TOP1: variants seen among roughly 807,000 people sequenced by gnomAD.
TOP1 encodes DNA topoisomerase I.
Under a neutral mutation model 111.1 loss-of-function variants are expected in TOP1, and 10 were observed. The ratio of observed to expected loss-of-function variants is 0.09; its 90% CI spans 0.06 to 0.15. TOP1 has a LOEUF of 0.15. Among genes scored for constraint, TOP1 ranks in the 10% least tolerant of loss-of-function variants. The pLI, the probability that TOP1 is intolerant of heterozygous loss-of-function variation, is 1.00. For missense variants in TOP1, 474 were observed against 926.7 expected (o/e 0.51, Z 6.34); for synonymous variants, 271 against 302.9 (o/e 0.89, Z 1.10).
In TOP1 at chr20:41,110,390, A is replaced by T. The variant is rs1242435581; in HGVS notation, c.1309-2392A>T. On this transcript the variant is annotated intron_variant, in intron 13 of 20. Transcript: ENST00000361337. This position sits in a 1 kb window ranked among gnomAD's most constrained non-coding sequence, Gnocchi z 4.2. ...ATTTATCCATGATGATAGTAATCAGATTGAAGGATCAGTGGTTGCTTGGTG... is the reference window on the plus strand; with the variant it reads ...ATTTATCCATGATGATAGTAATCAGTTTGAAGGATCAGTGGTTGCTTGGTG... Among the ~76,000 whole-genome samples the T allele has an allele frequency of 6.6e-6, 1 of 152,220 alleles. No individual in the cohort carries two copies. Among genetic ancestry groups the T allele is most frequent in the African/African-American group, 2.4e-5 (1 of 41,460 alleles).
In TOP1 at chr20:41,029,628, AC is replaced by A; in HGVS notation, c.58+177del. ...CCGCCTCTTGACCCCCTTTCCGGGG[AC>A]CCCAGCTCCTCCAGATCCCGGCCCT... On this transcript the variant is annotated intron_variant, in intron 2 of 20. Coordinates refer to ENST00000361337, the MANE Select transcript of TOP1 (RefSeq NM_003286.4). The surrounding 1 kb of genome is among the most constrained non-coding windows in gnomAD (Gnocchi z 6.1). 1.5e-6 allele frequency: 1 copy of A among 675,784 alleles called. No homozygotes were observed. The highest frequency in any genetic ancestry group is 1.6e-5 in the South Asian group (1 of 63,610). 41.9% of individuals were successfully genotyped at this position (675,784 alleles called of 1,614,324 possible).
chr20:41,043,741 C>T (rs1322754196), intron 2 of TOP1, among the ~76,000 whole-genome samples: 2 of 152,208 alleles, frequency 1.3e-5, no homozygotes, highest in South Asian at 2.1e-4. Flanking sequence ...TGGATCCGCA[C>T]GTAGGCCAGA....
At position 41,032,820 on chromosome 20, in the gene TOP1, T is replaced by C. The variant is rs1027461431; in HGVS notation, c.58+3365T>C. 6.6e-6 allele frequency among the ~76,000 whole-genome samples: 1 copy of C among 152,224 alleles called. No individual in the cohort carries two copies. Among genetic ancestry groups the C allele is most frequent in the African/African-American group, 2.4e-5 (1 of 41,448 alleles). ...GTATGGGTTGGGATGGGCGGTAGCA[T>C]AGCTGATTGCGGTGGGGGAATTTCA... On this transcript the variant is annotated intron_variant, in intron 2 of 20. Transcript: ENST00000361337. This position sits in a 1 kb window ranked among gnomAD's most constrained non-coding sequence, Gnocchi z 4.3.
Position 41,077,571 on chromosome 20 carries a change from T to G in TOP1, c.280-11T>G, listed in dbSNP as rs1221046723. 1 of 1,613,632 alleles carries G rather than the reference T, an allele frequency of 6.2e-7. No homozygotes were observed. The highest frequency in any genetic ancestry group is 1.1e-5 in the South Asian group (1 of 91,076). ...TTTCAAGGTACTAGTTACTGTTGTT[T>G]TACTTTTCAGGTTCGAGCCTCTGGG... On this transcript the variant is annotated splice_polypyrimidine_tract_variant and intron_variant, in intron 4 of 20. Transcript: ENST00000361337.
At chr20:41,075,323 C>T (rs2033714030) in intron 3 of TOP1, among the ~76,000 whole-genome samples, 1 of 152,164 alleles carries the variant, frequency 6.6e-6, no homozygotes, top group African/African-American at 2.4e-5. Context: ...AGGCGCCTGC[C>T]ACCACGCCCG....
chr20:41,113,715 C>CAAAAAAAAAAAA (rs987087793), intron 14 of TOP1, among the ~76,000 whole-genome samples: 1 of 103,648 alleles, frequency 9.6e-6, no homozygotes, highest in Non-Finnish European at 2.2e-5. Flanking sequence ...ACTAAAAATA[C>CAAAAAAAAAAAA]AAAAAAAAAA....
intron 5 of TOP1, 52 bp downstream of exon 5, chr20:41,077,689 C>T (rs1161112401): frequency 1.3e-6 from 2 of 1,540,478 alleles, no homozygotes; most frequent in Admixed American, 3.3e-5. Context: ...GACAGCAGGC[C>T]AGCTGCCTGT....
chr20:41,107,199 C>T (rs949712785), intron 13 of TOP1, among the ~76,000 whole-genome samples: 1 of 152,042 alleles, frequency 6.6e-6, no homozygotes, highest in Non-Finnish European at 1.5e-5. Context: ...TATGCTGTAT[C>T]CAGGGATATA....
Position 41,080,334 on chromosome 20 carries a change from A to G in TOP1, c.431+154A>G, listed in dbSNP as rs543964220. ...ATTAATGGACTGATTTCTCTGAACT[A>G]TGAGAAGTAGAGTTTGCTAAACAAG... On this transcript the variant is annotated intron_variant, in intron 6 of 20. Coordinates refer to ENST00000361337, the MANE Select transcript of TOP1 (RefSeq NM_003286.4). This position sits in a 1 kb window ranked among gnomAD's most constrained non-coding sequence, Gnocchi z 5.0. Among the ~76,000 whole-genome samples the G allele has an allele frequency of 6.6e-6, 1 of 152,332 alleles. No homozygotes were observed. Among genetic ancestry groups the G allele is most frequent in the South Asian group, 2.1e-4 (1 of 4,826 alleles).
chr20:41,113,896 A>T, intron 14 of TOP1, 74 bp from the exon 15 acceptor site: 1 of 1,267,050 alleles, frequency 7.9e-7, no homozygotes, highest in Non-Finnish European at 1.1e-6. Context: ...AAAAAAAAAA[A>T]AAACACAGAA....
chr20:41,048,764 G>A (rs1051083325), intron 2 of TOP1, among the ~76,000 whole-genome samples: 10 of 152,098 alleles, frequency 6.6e-5, no homozygotes, highest in South Asian at 2.1e-4. Flanking sequence ...ACAGTTTGTC[G>A]GTCCTATCAC....
Position 41,097,124 on chromosome 20 carries a change from G to T in TOP1, c.731-96G>T. On this transcript the variant is annotated intron_variant, in intron 9 of 20. Coordinates refer to ENST00000361337, the MANE Select transcript of TOP1 (RefSeq NM_003286.4). The surrounding 1 kb of genome is among the most constrained non-coding windows in gnomAD (Gnocchi z 4.2). ...ACCAGACCTTTATATACCATGAGAA[G>T]GCAAACCATTATTAAAGAGAATTCG... 7.2e-7 allele frequency: 1 copy of T among 1,394,010 alleles called. No homozygotes were observed. The highest frequency in any genetic ancestry group is 1.4e-5 in the South Asian group (1 of 73,992). The allele number at this position is 1,394,010 out of a possible 1,614,324, so 86.4% of individuals were successfully genotyped here.
intron 11 of TOP1, 81 bp from the exon 12 acceptor site, chr20:41,099,975 T>TA: frequency 2.1e-6 from 2 of 937,172 alleles, no homozygotes; most frequent in Non-Finnish European, 1.6e-6. Context: ...TACCTTGACT[T>TA]AGTCTCCCAC....
intron 8 of TOP1, among the ~76,000 whole-genome samples, chr20:41,091,917 G>A (rs1204790040): frequency 1.3e-5 from 2 of 152,058 alleles, no homozygotes; most frequent in Non-Finnish European, 2.9e-5. Context: ...TCAAAAAGTT[G>A]TTCCCACTGA....
Position 41,078,300 on chromosome 20 carries a change from C to G in TOP1, c.335+663C>G, listed in dbSNP as rs757754379. Among the ~76,000 whole-genome samples, 1 of 152,098 alleles carries G rather than the reference C, an allele frequency of 6.6e-6. No individual in the cohort carries two copies. The highest frequency in any genetic ancestry group is 6.5e-5 in the Admixed American group (1 of 15,270). ...TTCCTAAAATAAGCCCAGAGGTCCC[C>G]TCTAGTTTCGAAACAACTAGATGTT... On this transcript the variant is annotated intron_variant, in intron 5 of 20. Coordinates refer to ENST00000361337, the MANE Select transcript of TOP1 (RefSeq NM_003286.4). This position sits in a 1 kb window ranked among gnomAD's most constrained non-coding sequence, Gnocchi z 5.3.
chr20:41,102,279 G>GA lies in TOP1; in HGVS notation c.1308+931dup, dbSNP rs201963866. 4.2e-3 allele frequency among the ~76,000 whole-genome samples: 645 copies of GA among 152,238 alleles called. 8 individuals are homozygous for GA. Among genetic ancestry groups the GA allele is most frequent in the East Asian group, 0.026 (134 of 5,186 alleles). On this transcript the variant is annotated intron_variant, in intron 13 of 20. Transcript: ENST00000361337. The surrounding 1 kb of genome is among the most constrained non-coding windows in gnomAD (Gnocchi z 4.0). ...TTCTGTATATCACTACTTTTCTAAT[G>GA]AAAAATACCTGTTTATATATTTTCT... is the stretch of plus-strand genomic sequence containing the variant.
intron 8 of TOP1, among the ~76,000 whole-genome samples, chr20:41,090,830 C>G (rs964732045): frequency 6.6e-6 from 1 of 152,176 alleles, no homozygotes; most frequent in South Asian, 2.1e-4. Flanking sequence ...CTTTTTGTTA[C>G]CTGTGTTTTA....
chr20:41,106,012 T>A lies in TOP1; in HGVS notation c.1308+4659T>A, dbSNP rs1301293589. On this transcript the variant is annotated intron_variant, in intron 13 of 20. Coordinates refer to ENST00000361337, the MANE Select transcript of TOP1 (RefSeq NM_003286.4). This position sits in a 1 kb window ranked among gnomAD's most constrained non-coding sequence, Gnocchi z 4.3. ...CCACAACAGTATTCCTCTTTTTCCA[T>A]ATCCTTGCTAATGTTTCTAAAGTTT... is the stretch of plus-strand genomic sequence containing the variant. 7.7e-6 allele frequency among the ~76,000 whole-genome samples: 1 copy of A among 129,736 alleles called. No homozygotes were observed. The highest frequency in any genetic ancestry group is 2.8e-5 in the African/African-American group (1 of 35,354). 85.1% of individuals were successfully genotyped at this position (129,736 alleles called of 152,430 possible). A position where few individuals can be genotyped will look rare whatever the true frequency, so the allele number is the denominator to read the frequency against.
chr20:41,072,556 T>C (rs567118622), intron 3 of TOP1: 12 of 985,336 alleles, frequency 1.2e-5, no homozygotes, highest in Non-Finnish European at 1.4e-5. Context: ...TTCTGTATCA[T>C]AGGACTTGTT....
Sources: gnomAD v4.1 joint callset for allele counts (sites outside exome capture counted in the v4.1 genomes callset) on GRCh38, gnomAD v4.1.1 for gene constraint, Gnocchi (gnomAD v3.1) non-coding constraint, MANE v1.5 for transcripts, NCBI Gene and HGNC (gene_info 2026-07-23, HGNC 2026-07-21) for gene names.